ST8SIA6: variants seen among roughly 807,000 people sequenced by gnomAD.
The protein encoded by ST8SIA6 is alpha-2,8-sialyltransferase 8F.
Under a neutral mutation model 33.6 loss-of-function variants are expected in ST8SIA6, and 39 were observed. That is an observed-to-expected ratio of 1.16 (90% CI 0.90 to 1.52). ST8SIA6 has a LOEUF of 1.52. ST8SIA6 is among the 40% of genes most tolerant of loss of function. The pLI, the probability that ST8SIA6 is intolerant of heterozygous loss-of-function variation, is 0.00. For missense variants in ST8SIA6, 441 were observed against 443.8 expected (o/e 0.99, Z 0.06); for synonymous variants, 172 against 167.2 (o/e 1.03, Z -0.22).
intron 4 of ST8SIA6, among the ~76,000 whole-genome samples, chr10:17,358,843 T>C (rs1481145305): frequency 2.0e-5 from 3 of 152,148 alleles, no homozygotes; most frequent in Non-Finnish European, 4.4e-5. Flanking sequence ...CAGAGCAATC[T>C]AGACCAAGCA....
intron 4 of ST8SIA6, among the ~76,000 whole-genome samples, chr10:17,335,468 G>A (rs1385729393): frequency 6.6e-6 from 1 of 152,156 alleles, no homozygotes; most frequent in Non-Finnish European, 1.5e-5. Context: ...CTCAAGACGT[G>A]AAAAGTAGGG....
At chr10:17,376,486 G>A (rs1229495098) in intron 3 of ST8SIA6, among the ~76,000 whole-genome samples, 1 of 151,916 alleles carries the variant, frequency 6.6e-6, no homozygotes. Context: ...TGAAAGAAAA[G>A]CATAAAAAAG....
chr10:17,321,185 A>T lies in ST8SIA6; in HGVS notation c.890T>A (p.Leu297Gln), dbSNP rs369039122. 168 of 1,614,026 alleles carry T rather than the reference A, an allele frequency of 1.0e-4. No homozygotes were observed. The highest frequency in any genetic ancestry group is 3.3e-4 in the Middle Eastern group (2 of 6,082). Residue 297 changes from leucine to glutamine, a missense_variant, in exon 8 of 8, where the codon CTA becomes CAA. Physicochemically the swap from Leu to Gln is moderately radical, Grantham distance 113 (BLOSUM62 -2). Transcript: ENST00000377602. ...TTTCAGGTACTTGGGATGGAAAAATAGAACCTTTTGTCTTGCTTTAGACTC... is the reference window on the plus strand; with the variant it reads ...TTTCAGGTACTTGGGATGGAAAAATTGAACCTTTTGTCTTGCTTTAGACTC... Reference protein sequence around the residue: ...LEESKARQKVLFFHPKYLKDL... With the variant: ...LEESKARQKVQFFHPKYLKDL...
chr10:17,405,494 A>G (rs2131685377), intron 2 of ST8SIA6, among the ~76,000 whole-genome samples: 1 of 151,468 alleles, frequency 6.6e-6, no homozygotes, highest in South Asian at 2.1e-4. Context: ...TATTTGAATC[A>G]AATAAACAAA....
intron 4 of ST8SIA6, among the ~76,000 whole-genome samples, chr10:17,341,322 C>A (rs1431055870): frequency 6.6e-6 from 1 of 152,096 alleles, no homozygotes; most frequent in African/African-American, 2.4e-5. Flanking sequence ...AGATTGAAAT[C>A]CATGGTAGGT....
chr10:17,391,462 G>C (rs1041433385), intron 2 of ST8SIA6, among the ~76,000 whole-genome samples: 5 of 151,212 alleles, frequency 3.3e-5, no homozygotes, highest in African/African-American at 9.7e-5. Flanking sequence ...CGGGGTTTCA[G>C]CATGTTAGCC....
chr10:17,421,746 T>C (rs1174878133), intron 2 of ST8SIA6, among the ~76,000 whole-genome samples: 1 of 151,972 alleles, frequency 6.6e-6, no homozygotes, highest in East Asian at 1.9e-4. Flanking sequence ...AAAAAAATTG[T>C]TGTAGAGATG....
In ST8SIA6 at chr10:17,347,953, C is replaced by CAAAAAAAAAA. The variant is rs55996465; in HGVS notation, c.377+11551_377+11560dup. Among the ~76,000 whole-genome samples, 63 of 68,630 alleles carry CAAAAAAAAAA rather than the reference C, an allele frequency of 9.2e-4. 1 individual carries two copies. The highest frequency in any genetic ancestry group is 3.2e-3 in the African/African-American group (58 of 18,370). 45.0% of individuals were successfully genotyped at this position (68,630 alleles called of 152,430 possible). ...CCTAGGCGATGGTGAGACTCTGTCT[C>CAAAAAAAAAA]AAAAAAAAAAAAAAAAAAAAAATTA... On this transcript the variant is annotated intron_variant, in intron 4 of 7. Transcript: ENST00000377602.
chr10:17,430,168 T>C (rs1385288190), intron 2 of ST8SIA6, among the ~76,000 whole-genome samples: 1 of 152,244 alleles, frequency 6.6e-6, no homozygotes, highest in Non-Finnish European at 1.5e-5. Flanking sequence ...TTTCTACTCC[T>C]GTGTTACTTC....
At chr10:17,385,484 A>C (rs1850302936) in intron 3 of ST8SIA6, among the ~76,000 whole-genome samples, 1 of 152,076 alleles carries the variant, frequency 6.6e-6, no homozygotes, top group Non-Finnish European at 1.5e-5. Context: ...AGGAGTCAGC[A>C]AAGGGAGATA....
rs190853805 is a variant in ST8SIA6 at position 17,418,829 on chromosome 10, C to T, written c.201-28209G>A. Among the ~76,000 whole-genome samples the T allele has an allele frequency of 2.6e-3, 395 of 151,944 alleles. 10 individuals are homozygous for T. The highest frequency in any genetic ancestry group is 0.023 in the Admixed American group (355 of 15,266). On this transcript the variant is annotated intron_variant, in intron 2 of 7. Coordinates refer to ENST00000377602, the MANE Select transcript of ST8SIA6 (RefSeq NM_001004470.3). ...CCAACATGGCGAAACCCCGTCTCTA[C>T]TAAAAATACAAAAATTAGCCAAGCG... is the stretch of plus-strand genomic sequence containing the variant.
intron 2 of ST8SIA6, among the ~76,000 whole-genome samples, chr10:17,445,560 C>G (rs1442593337): frequency 3.3e-5 from 5 of 152,142 alleles, no homozygotes; most frequent in African/African-American, 1.2e-4. Flanking sequence ...GAGAGCCTGC[C>G]CCAACTGGAA....
intron 4 of ST8SIA6, among the ~76,000 whole-genome samples, chr10:17,333,814 C>T (rs574127134): frequency 7.0e-4 from 100 of 143,606 alleles, no homozygotes; most frequent in African/African-American, 2.5e-3. Flanking sequence ...TTCCACTTCC[C>T]GGGTTCAAGC....
intron 2 of ST8SIA6, among the ~76,000 whole-genome samples, chr10:17,394,888 C>G (rs1036414026): frequency 2.6e-5 from 4 of 152,252 alleles, no homozygotes; most frequent in Middle Eastern, 3.4e-3. Flanking sequence ...TGCAAAGACT[C>G]TAAACCAGGA....
At chr10:17,324,899 CAT>C (rs1349436549) in intron 6 of ST8SIA6, among the ~76,000 whole-genome samples, 29 of 143,334 alleles carry the variant, frequency 2.0e-4, no homozygotes, top group Admixed American at 3.5e-4. Flanking sequence ...TTATATATAA[CAT>C]GTATATATAA....
intron 6 of ST8SIA6, among the ~76,000 whole-genome samples, chr10:17,326,087 A>G (rs995596309): frequency 6.6e-6 from 1 of 152,224 alleles, no homozygotes; most frequent in East Asian, 1.9e-4. Flanking sequence ...AACACATTCA[A>G]TAATTGTTGC....
At chr10:17,347,953 C>CAAAAAAA (rs55996465) in intron 4 of ST8SIA6, among the ~76,000 whole-genome samples, 1,917 of 68,086 alleles carry the variant, frequency 0.028, 60 homozygotes, top group Non-Finnish European at 0.035. Flanking sequence ...GACTCTGTCT[C>CAAAAAAA]AAAAAAAAAA....
intron 2 of ST8SIA6, among the ~76,000 whole-genome samples, chr10:17,433,686 T>C (rs1852168854): frequency 6.6e-6 from 1 of 152,198 alleles, no homozygotes; most frequent in Non-Finnish European, 1.5e-5. Context: ...CCATCCTGGC[T>C]TGAATATCAG....
intron 3 of ST8SIA6, among the ~76,000 whole-genome samples, chr10:17,387,562 G>A (rs1224328088): frequency 6.6e-6 from 1 of 151,842 alleles, no homozygotes; most frequent in African/African-American, 2.4e-5. Context: ...CCACCGCGCC[G>A]GGCCCAGAAA....
Sources: allele counts gnomAD v4.1 joint callset (sites outside exome capture counted in the v4.1 genomes callset), GRCh38; gene constraint gnomAD v4.1.1; transcripts MANE v1.5; gene names NCBI Gene and HGNC (gene_info 2026-07-23, HGNC 2026-07-21).